CRISPLD2: variants seen among roughly 807,000 people sequenced by gnomAD.
CRISPLD2 encodes the protein cysteine-rich secretory protein LCCL domain-containing 2.
Under a neutral mutation model 71.1 loss-of-function variants are expected in CRISPLD2, and 47 were observed. The observed-to-expected ratio is 0.66, with a 90% CI of 0.52 to 0.84. The LOEUF (loss-of-function observed/expected upper bound fraction) is 0.84, where lower values mean the gene tolerates loss of function less well. Ranked by LOEUF, CRISPLD2 falls within the 40% of genes least tolerant of loss-of-function variation. The probability of loss-of-function intolerance (pLI) is 0.00; values close to 1 mark genes in which losing one functional copy is unlikely to be tolerated. For synonymous variants in CRISPLD2, 317 were observed against 250.1 expected (o/e 1.27, Z -2.52); for missense variants, 830 against 651.1 (o/e 1.27, Z -2.99).
At chr16:84,852,408 C>G (rs958659152) in intron 5 of CRISPLD2, among the ~76,000 whole-genome samples, 1 of 152,200 alleles carries the variant, frequency 6.6e-6, no homozygotes, top group Non-Finnish European at 1.5e-5. Context: ...TCTGTGGTGT[C>G]TGGTGTGGGA....
At chr16:84,892,975 CAAAAAAAAAA>C (rs35939092) in intron 14 of CRISPLD2, among the ~76,000 whole-genome samples, 12 of 64,946 alleles carry the variant, frequency 1.8e-4, no homozygotes, top group African/African-American at 7.3e-4. Context: ...GACTCCATCT[CAAAAAAAAAA>C]AAAAAAAAAA....
chr16:84,888,187 C>G (rs1447116476), intron 13 of CRISPLD2, among the ~76,000 whole-genome samples: 1 of 152,192 alleles, frequency 6.6e-6, no homozygotes, highest in Non-Finnish European at 1.5e-5. Flanking sequence ...CCTTTTCCGG[C>G]TTCTAGAGGC....
intron 13 of CRISPLD2, among the ~76,000 whole-genome samples, chr16:84,883,786 A>G (rs1009842307): frequency 6.6e-6 from 1 of 151,318 alleles, no homozygotes; most frequent in Non-Finnish European, 1.5e-5. Flanking sequence ...GTCTTGACTG[A>G]CGCCTACTGA....
chr16:84,820,940 C>T (rs2143118884), intron 1 of CRISPLD2, among the ~76,000 whole-genome samples: 1 of 152,306 alleles, frequency 6.6e-6, no homozygotes, highest in Admixed American at 6.5e-5. Context: ...TGCTGCAGAC[C>T]CAGAGCCTCC....
At chr16:84,838,908 A>G (rs1204119055) in intron 2 of CRISPLD2, 173 bp downstream of exon 2, 1 of 892,728 alleles carries the variant, frequency 1.1e-6, no homozygotes. Context: ...GTTTGTTTTG[A>G]GACAGGGTCT....
At chr16:84,854,345 AC>A (rs942680578) in intron 5 of CRISPLD2, among the ~76,000 whole-genome samples, 7 of 152,146 alleles carry the variant, frequency 4.6e-5, no homozygotes, top group African/African-American at 1.7e-4. Context: ...GGCTGGCTTT[AC>A]ACATTTGAGA....
chr16:84,901,274 A>G (rs966117612), intron 14 of CRISPLD2, among the ~76,000 whole-genome samples: 3 of 152,162 alleles, frequency 2.0e-5, no homozygotes, highest in African/African-American at 7.2e-5. Flanking sequence ...GGGTGAGGGA[A>G]AAAATATAAT....
intron 1 of CRISPLD2, among the ~76,000 whole-genome samples, chr16:84,829,481 C>A (rs1165730435): frequency 6.6e-6 from 1 of 152,148 alleles, no homozygotes; most frequent in African/African-American, 2.4e-5. Flanking sequence ...GTGGGTATGA[C>A]TCTGATCTGC....
intron 6 of CRISPLD2, among the ~76,000 whole-genome samples, chr16:84,863,916 C>G (rs754128101): frequency 1.1e-4 from 16 of 143,992 alleles, no homozygotes; most frequent in Admixed American, 5.6e-4. Context: ...GAGATCACAC[C>G]ATTGCACTCC....
At chr16:84,884,320 GATA>G (rs34673110) in intron 13 of CRISPLD2, among the ~76,000 whole-genome samples, 31,954 of 152,060 alleles carry the variant, frequency 0.21, 3,403 homozygotes, top group Admixed American at 0.27. Flanking sequence ...CAAAGCGATT[GATA>G]ATGACAACAC....
intron 14 of CRISPLD2, among the ~76,000 whole-genome samples, chr16:84,904,960 T>A: frequency 6.6e-6 from 1 of 152,324 alleles, no homozygotes. Flanking sequence ...TTGTATTCTA[T>A]CAAAGTTTAA....
At chr16:84,879,770 C>T (rs2071552536) in intron 12 of CRISPLD2, among the ~76,000 whole-genome samples, 1 of 152,180 alleles carries the variant, frequency 6.6e-6, no homozygotes, top group East Asian at 1.9e-4. Context: ...TTTGCCTGGC[C>T]TTCTTCCTTC....
intron 11 of CRISPLD2, among the ~76,000 whole-genome samples, chr16:84,875,167 G>A (rs1213224284): frequency 1.3e-5 from 2 of 152,012 alleles, no homozygotes; most frequent in Non-Finnish European, 2.9e-5. Flanking sequence ...CTTGAGCCTG[G>A]AAACTTGAGG....
intron 1 of CRISPLD2, among the ~76,000 whole-genome samples, chr16:84,833,884 C>T (rs557435678): frequency 1.2e-3 from 181 of 152,286 alleles, no homozygotes; most frequent in African/African-American, 4.3e-3. Context: ...TCCCAGGAGG[C>T]AGAAGAGGGT....
At chr16:84,856,271 A>G (rs1257613188) in intron 6 of CRISPLD2, among the ~76,000 whole-genome samples, 1 of 152,196 alleles carries the variant, frequency 6.6e-6, no homozygotes, top group African/African-American at 2.4e-5. Flanking sequence ...GAGCTCCTGT[A>G]TTCCACGCAT....
At chr16:84,878,235 A>T (rs1235473362) in intron 12 of CRISPLD2, among the ~76,000 whole-genome samples, 1 of 152,096 alleles carries the variant, frequency 6.6e-6, no homozygotes, top group African/African-American at 2.4e-5. Flanking sequence ...AAAAAAGAAA[A>T]AAGTACACAA....
chr16:84,828,598 CCA>C (rs1262950095), intron 1 of CRISPLD2, among the ~76,000 whole-genome samples: 1 of 152,108 alleles, frequency 6.6e-6, no homozygotes, highest in Admixed American at 6.5e-5. Context: ...AGGGAAACAA[CCA>C]CACGTCTTCA....
intron 14 of CRISPLD2, 74 bp downstream of exon 14, chr16:84,889,437 C>A: frequency 1.3e-6 from 2 of 1,487,990 alleles, no homozygotes; most frequent in Middle Eastern, 1.8e-4. Context: ...TGGGAAGAGG[C>A]CCAGAGTCAT....
rs958084737 is a variant in CRISPLD2 at position 84,906,522 on chromosome 16, C to A, written c.1440-66C>A. ...GGAGGCACCCAGGTCTCCCTGCCCA[C>A]CCAGAGTCCCTGCAGGAGGCCCTCC... On this transcript the variant is annotated intron_variant, in intron 14 of 14. Transcript: ENST00000262424. 6 of 1,571,102 alleles carry A rather than the reference C, an allele frequency of 3.8e-6. No individual in the cohort carries two copies. In the African/African-American group the frequency reaches 6.8e-5, roughly 18 times the overall value.
Sources: allele counts gnomAD v4.1 joint callset (sites outside exome capture counted in the v4.1 genomes callset), GRCh38; gene constraint gnomAD v4.1.1; transcripts MANE v1.5; gene names NCBI Gene and HGNC (gene_info 2026-07-23, HGNC 2026-07-21).